The following PPP1R37 variants were observed in gnomAD, a reference collection of about 807,000 sequenced individuals.
PPP1R37 encodes the protein leucine rich repeat containing 68.
Under a neutral mutation model 61.0 loss-of-function variants are expected in PPP1R37, and 21 were observed. That is an observed-to-expected ratio of 0.34 (90% CI 0.24 to 0.50). The LOEUF is 0.50. Ranked by LOEUF, PPP1R37 falls within the 20% of genes least tolerant of loss-of-function variation. The pLI, the probability that PPP1R37 is intolerant of heterozygous loss-of-function variation, is 0.98. For missense variants in PPP1R37, 910 were observed against 952.7 expected, an observed-to-expected ratio of 0.96 and a Z score of 0.59; for synonymous variants, 443 against 433.5, an observed-to-expected ratio of 1.02 and a Z score of -0.27.
Position 45,138,905 on chromosome 19 carries a change from C to CTTTTTTTTTT in PPP1R37, c.300+310_300+319dup, listed in dbSNP as rs34081163. Among the ~76,000 whole-genome samples the CTTTTTTTTTT allele has an allele frequency of 1.9e-4, 14 of 73,060 alleles. 1 individual carries two copies. Among genetic ancestry groups the CTTTTTTTTTT allele is most frequent in the African/African-American group, 2.1e-4 (4 of 18,688 alleles). 47.9% of individuals were successfully genotyped at this position (73,060 alleles called of 152,430 possible). A position where few individuals can be genotyped will look rare whatever the true frequency, so the allele number is the denominator to read the frequency against. ...GTCTGAATTACAAAATTTATGTATTCTTTTTTTTTTTTTTTTTTTTTTTTT... is the reference window on the plus strand; with the variant it reads ...GTCTGAATTACAAAATTTATGTATTCTTTTTTTTTTTTTTTTTTTTTTTTTTTTTTTTTTT... On this transcript the variant is annotated intron_variant, in intron 2 of 12. Transcript: ENST00000221462.
intron 1 of PPP1R37, among the ~76,000 whole-genome samples, chr19:45,111,893 T>G (rs1968205699): frequency 6.6e-6 from 1 of 152,100 alleles, no homozygotes; most frequent in African/African-American, 2.4e-5. Context: ...AAAAGCATGG[T>G]GTTTCGTTCT....
intron 1 of PPP1R37, among the ~76,000 whole-genome samples, chr19:45,127,024 A>G (rs973571165): frequency 6.6e-6 from 1 of 152,146 alleles, no homozygotes; most frequent in Non-Finnish European, 1.5e-5. Context: ...AGGTGATTTC[A>G]TGGTCATGTG....
At chr19:45,096,266 G>A (rs1027731540) in intron 1 of PPP1R37, among the ~76,000 whole-genome samples, 13 of 152,110 alleles carry the variant, frequency 8.5e-5, no homozygotes, top group Admixed American at 5.2e-4. Context: ...GTGCGAGGGG[G>A]AAGATGGTCA....
chr19:45,141,572 C>T (rs1049181802), intron 5 of PPP1R37, 131 bp downstream of exon 5: 19 of 1,241,466 alleles, frequency 1.5e-5, no homozygotes, highest in Non-Finnish European at 2.1e-5. Flanking sequence ...GATGCTGGGC[C>T]TGGCCCTCAG....
intron 1 of PPP1R37, among the ~76,000 whole-genome samples, chr19:45,115,044 A>G (rs1568443071): frequency 6.6e-6 from 1 of 152,170 alleles, no homozygotes; most frequent in East Asian, 1.9e-4. Context: ...TTAGTGGTTC[A>G]GGCATGCATT....
chr19:45,140,239 T>A lies in PPP1R37; in HGVS notation c.304T>A (p.Phe102Ile), dbSNP rs987488764. Residue 102 changes from phenylalanine (F) to isoleucine (I), a missense_variant, in exon 3 of 13, where the codon TTC becomes ATC. By Grantham distance (21) the Phe-to-Ile change is conservative. Transcript: ENST00000221462. ...TAACCCCACTCTACTTTCTCAGGAA[T>A]TCACAGACCTCGGGCACCGCCTCGA... ...IPKLLRQLQE[F>I]TDLGHRLDCL... The A allele has an allele frequency of 7.2e-6, 11 of 1,535,922 alleles. No homozygotes were observed. In the African/African-American group the frequency reaches 1.5e-4, roughly 21 times the overall value.
rs1967991413 is a variant in PPP1R37 at position 45,096,210 on chromosome 19, C to T, written c.202+2683C>T. On this transcript the variant is annotated intron_variant, in intron 1 of 12. Transcript: ENST00000221462. ...CTGGATGTGGCTGCTTCAGAGGCTT[C>T]CAGGAGAGGGGAGAGATGGCAGTCA... Among the ~76,000 whole-genome samples, 4 of 151,998 alleles carry T rather than the reference C, an allele frequency of 2.6e-5. No individual in the cohort carries two copies. The South Asian group carries it at 8.3e-4, about 32-fold the overall frequency.
intron 1 of PPP1R37, among the ~76,000 whole-genome samples, chr19:45,128,142 TTCTC>T (rs1160078285): frequency 1.3e-5 from 2 of 152,036 alleles, no homozygotes; most frequent in South Asian, 2.1e-4. Context: ...AGAAGGAAGT[TTCTC>T]TCTCCCTGTC....
At position 45,145,212 on chromosome 19, in the gene PPP1R37, CCACT is replaced by C; in HGVS notation, c.1253_1256del (p.Ser418CysfsTer15). 3 of 1,535,104 alleles carry C rather than the reference CCACT, an allele frequency of 2.0e-6. No homozygotes were observed. Among genetic ancestry groups the C allele is most frequent in the Non-Finnish European group, 2.6e-6 (3 of 1,146,438 alleles). On this transcript the variant is annotated frameshift_variant, in exon 10 of 13. Coordinates refer to ENST00000221462, the MANE Select transcript of PPP1R37 (RefSeq NM_019121.2). LOFTEE classifies it high-confidence loss of function. ...CACTGTCGTTGGCCCTCAAGGTGAACCACTCACTGCTGCGCCTGGACCTCGACCG... is the reference window on the plus strand; with the variant it reads ...CACTGTCGTTGGCCCTCAAGGTGAACCACTGCTGCGCCTGGACCTCGACCG...
rs878985323 is a variant in PPP1R37 at position 45,128,881 on chromosome 19, C to G, written c.203-9633C>G. 1.4e-5 allele frequency: 9 copies of G among 657,976 alleles called. 1 individual carries two copies. The highest frequency in any genetic ancestry group is 1.3e-4 in the South Asian group (9 of 67,878). The allele number at this position is 657,976 out of a possible 1,614,324, so 40.8% of individuals were successfully genotyped here. A position where few individuals can be genotyped will look rare whatever the true frequency, so the allele number is the denominator to read the frequency against. On this transcript the variant is annotated intron_variant, in intron 1 of 12. Transcript: ENST00000221462. ...GGTACCCCTCACTGCTCCAGGACAG[C>G]AGGGAGGTGCGAGAGGACCTTCTTC...
intron 1 of PPP1R37, among the ~76,000 whole-genome samples, chr19:45,131,382 C>G (rs536522184): frequency 6.6e-6 from 1 of 152,208 alleles, no homozygotes; most frequent in Admixed American, 6.5e-5. Flanking sequence ...CAGCCCTTCC[C>G]CTCCTCAGGC....
At chr19:45,094,538 C>G (rs1238780372) in intron 1 of PPP1R37, among the ~76,000 whole-genome samples, 3 of 152,010 alleles carry the variant, frequency 2.0e-5, no homozygotes, top group Non-Finnish European at 4.4e-5. Context: ...ACCAGCCTGG[C>G]CAACATGGGG....
At chr19:45,131,761 C>T (rs1449900880) in intron 1 of PPP1R37, among the ~76,000 whole-genome samples, 1 of 152,198 alleles carries the variant, frequency 6.6e-6, no homozygotes, top group Non-Finnish European at 1.5e-5. Context: ...CTATGCATTA[C>T]ACAGAGTAAG....
chr19:45,099,566 C>T (rs1968036203), intron 1 of PPP1R37, among the ~76,000 whole-genome samples: 1 of 152,224 alleles, frequency 6.6e-6, no homozygotes, highest in Non-Finnish European at 1.5e-5. Flanking sequence ...TGTCCTCTGC[C>T]CTCCCAGGCC....
Position 45,140,503 on chromosome 19 carries a change from C to A in PPP1R37, c.347-3C>A, listed in dbSNP as rs758809737. 12 of 1,532,284 alleles carry A rather than the reference C, an allele frequency of 7.8e-6. No homozygotes were observed. Among genetic ancestry groups the A allele is most frequent in the South Asian group, 2.4e-5 (2 of 84,008 alleles). The allele number at this position is 1,532,284 out of a possible 1,614,324, so 94.9% of individuals were successfully genotyped here. A position where few individuals can be genotyped will look rare whatever the true frequency, so the allele number is the denominator to read the frequency against. ...CATGCGCACGGCTGCTGTCTCCCCC[C>A]AGGTGAGAAGCTTGACTACAAGACC... On this transcript the variant is annotated splice_region_variant and splice_polypyrimidine_tract_variant and intron_variant, in intron 3 of 12. Transcript: ENST00000221462.
At chr19:45,141,957 G>A in intron 5 of PPP1R37, 104 bp from the exon 6 acceptor site, 1 of 1,239,850 alleles carries the variant, frequency 8.1e-7, no homozygotes. Context: ...TGAGACATGG[G>A]GGCACAGGTC....
rs1423895896 is a variant in PPP1R37, at chr19:45,146,495, G to C, written c.*8+15G>C. The C allele has an allele frequency of 1.3e-6, 2 of 1,512,460 alleles. No homozygotes were observed. Among genetic ancestry groups the C allele is most frequent in the Non-Finnish European group, 1.8e-6 (2 of 1,125,966 alleles). 93.7% of individuals were successfully genotyped at this position (1,512,460 alleles called of 1,614,324 possible). A position where few individuals can be genotyped will look rare whatever the true frequency, so the allele number is the denominator to read the frequency against. On this transcript the variant is annotated intron_variant, in intron 12 of 12. Coordinates refer to ENST00000221462, the MANE Select transcript of PPP1R37 (RefSeq NM_019121.2). ...TGACACTTTAGGTGAGGCCAGGCCCGGGGCCCACAGCACTCGGGAGGAGCT... is the reference window on the plus strand; with the variant it reads ...TGACACTTTAGGTGAGGCCAGGCCCCGGGCCCACAGCACTCGGGAGGAGCT...
At chr19:45,112,462 T>C (rs1968214094) in intron 1 of PPP1R37, among the ~76,000 whole-genome samples, 1 of 152,250 alleles carries the variant, frequency 6.6e-6, no homozygotes, top group African/African-American at 2.4e-5. Flanking sequence ...TTTACCTGAC[T>C]GACTCCTGCT....
Position 45,142,300 on chromosome 19 carries a change from C to T in PPP1R37, c.719-3C>T, listed in dbSNP as rs1236905494. 2.0e-6 allele frequency: 3 copies of T among 1,535,968 alleles called. No homozygotes were observed. Among genetic ancestry groups the T allele is most frequent in the South Asian group, 2.4e-5 (2 of 84,058 alleles). On this transcript the variant is annotated splice_polypyrimidine_tract_variant and splice_region_variant and intron_variant, in intron 6 of 12. Transcript: ENST00000221462. The stretch of plus-strand genomic sequence containing the variant: ...AGTCACCGTGCCCCCTCCCCGTCCC[C>T]AGCCACGGCCCTGAAGATGAACATG...
Sources: gnomAD v4.1 joint callset for allele counts (sites outside exome capture counted in the v4.1 genomes callset) on GRCh38, gnomAD v4.1.1 for gene constraint, MANE v1.5 for transcripts, NCBI Gene and HGNC (gene_info 2026-07-23, HGNC 2026-07-21) for gene names.